ZBED4: variants seen among roughly 807,000 people sequenced by gnomAD.
ZBED4 encodes the protein zinc finger BED-type containing 4, also known as zinc finger BED domain-containing protein 4.
A neutral mutation model predicts 15.5 loss-of-function variants in ZBED4; 4 were observed. The ratio of observed to expected loss-of-function variants is 0.26; its 90% confidence interval spans 0.13 to 0.59. The LOEUF is 0.59. Ranked by LOEUF, ZBED4 falls within the 20% of genes least tolerant of loss-of-function variation. The pLI, the probability that ZBED4 is intolerant of heterozygous loss-of-function variation, is 0.90. For synonymous variants in ZBED4, 692 were observed against 608.5 expected (o/e 1.14, Z -2.02); for missense variants, 1,323 against 1,461.8 (o/e 0.91, Z 1.55).
Position 49,887,185 on chromosome 22 carries a change from C to A in ZBED4, c.*7C>A, listed in dbSNP as rs755133101. The A allele has an allele frequency of 6.3e-7, 1 of 1,598,662 alleles. No homozygotes were observed. Among genetic ancestry groups the A allele is most frequent in the Non-Finnish European group, 8.5e-7 (1 of 1,171,124 alleles). ...AATATACTTTCAGTATTGAAACTCA[C>A]GACGGCACCACTAGGCCAGAGGCGT... On this transcript the variant is annotated 3_prime_UTR_variant, in exon 2 of 2. Transcript: ENST00000216268.
At chr22:49,872,804 A>G (rs1252459954) in intron 1 of ZBED4, among the ~76,000 whole-genome samples, 16 of 151,678 alleles carry the variant, frequency 1.1e-4, no homozygotes, top group Admixed American at 1.1e-3. Context: ...TCCCAGGTTC[A>G]AGCGAATTCT....
chr22:49,860,779 CTTT>C (rs560679145), intron 1 of ZBED4, among the ~76,000 whole-genome samples: 3 of 137,556 alleles, frequency 2.2e-5, no homozygotes, highest in Non-Finnish European at 3.2e-5. Flanking sequence ...TCTAAGCAAC[CTTT>C]TTTTTTTTTT....
chr22:49,878,613 G>C (rs1326108423), intron 1 of ZBED4, among the ~76,000 whole-genome samples: 1 of 152,144 alleles, frequency 6.6e-6, no homozygotes, highest in African/African-American at 2.4e-5. Context: ...ACTTCTAAAA[G>C]ACAACACAGA....
chr22:49,875,079 GTTTTGT>G (rs1391069994), intron 1 of ZBED4, among the ~76,000 whole-genome samples: 2 of 152,122 alleles, frequency 1.3e-5, no homozygotes, highest in African/African-American at 2.4e-5. Context: ...ATTTGTTACA[GTTTTGT>G]TAAGGATTTT....
intron 1 of ZBED4, among the ~76,000 whole-genome samples, chr22:49,863,694 A>G (rs951820389): frequency 6.6e-6 from 1 of 152,108 alleles, no homozygotes; most frequent in African/African-American, 2.4e-5. Flanking sequence ...ATGAACTATT[A>G]AAGATAAACC....
At position 49,887,867 on chromosome 22, in the gene ZBED4, C is replaced by CTA. The variant is rs1482495001; in HGVS notation, c.*689_*690insTA. Reference sequence around the variant, plus strand: ...ACTCAGAGATACCCCAGCTGTTTATCATCAGCTCCTCTGAAATGTGATCCC... The same window carrying CTA: ...ACTCAGAGATACCCCAGCTGTTTATCTAATCAGCTCCTCTGAAATGTGATCCC... On this transcript the variant is annotated 3_prime_UTR_variant, in exon 2 of 2. Transcript: ENST00000216268. The CTA allele has an allele frequency of 1.2e-5, 2 of 167,278 alleles. No homozygotes were observed. Among genetic ancestry groups the CTA allele is most frequent in the Non-Finnish European group, 2.9e-5 (2 of 68,134 alleles). 10.4% of individuals were successfully genotyped at this position (167,278 alleles called of 1,614,324 possible).
rs1252888217 is a variant in ZBED4 at position 49,886,872 on chromosome 22, G to A, written c.3210G>A (p.Lys1070=). 4 of 1,614,010 alleles carry A rather than the reference G, an allele frequency of 2.5e-6. No individual in the cohort carries two copies. Among genetic ancestry groups the A allele is most frequent in the Non-Finnish European group, 3.4e-6 (4 of 1,180,042 alleles). Reference sequence around the variant, plus strand: ...AGAACCTGTGGTCACTTGTGGCCAAGGTGAAGAAGAAAGACCCAAGAGAAA... The same window carrying A: ...AGAACCTGTGGTCACTTGTGGCCAAAGTGAAGAAGAAAGACCCAAGAGAAA... ...AEENLWSLVA[K]VKKKDPREKL... is the part of the protein sequence containing the mutation. The change falls in exon 2 of 2, where the codon AAG becomes AAA. Residue 1070 remains lysine, a synonymous_variant. Transcript: ENST00000216268. This position sits in a 1 kb window ranked among gnomAD's most constrained non-coding sequence, Gnocchi z 7.7.
At position 49,888,241 on chromosome 22, in the gene ZBED4, G is replaced by GA. The variant is rs1271495140; in HGVS notation, c.*1070dup. 4 of 167,036 alleles carry GA rather than the reference G, an allele frequency of 2.4e-5. No individual in the cohort carries two copies. The highest frequency in any genetic ancestry group is 6.5e-5 in the Admixed American group (1 of 15,298). 10.3% of individuals were successfully genotyped at this position (167,036 alleles called of 1,614,324 possible). A position where few individuals can be genotyped will look rare whatever the true frequency, so the allele number is the denominator to read the frequency against. On this transcript the variant is annotated 3_prime_UTR_variant, in exon 2 of 2. Transcript: ENST00000216268. ...TGATTTTAAAAGTTATGTCTTCAGA[G>GA]AAAAAAAGATTCATTTTCTCATTTT...
At chr22:49,878,257 G>GCAC (rs2060388244) in intron 1 of ZBED4, among the ~76,000 whole-genome samples, 1 of 138,460 alleles carries the variant, frequency 7.2e-6, no homozygotes, top group Admixed American at 8.3e-5. Flanking sequence ...GTGAGCCAAC[G>GCAC]CACCACTGCA....
intron 1 of ZBED4, among the ~76,000 whole-genome samples, chr22:49,859,003 G>A (rs2060286318): frequency 6.6e-6 from 1 of 152,098 alleles, no homozygotes; most frequent in Non-Finnish European, 1.5e-5. Context: ...TTTGCTCACT[G>A]GCCCTTTAAA....
Position 49,885,151 on chromosome 22 carries a change from C to T in ZBED4, c.1489C>T (p.Leu497=), listed in dbSNP as rs747750398. 4 of 1,613,140 alleles carry T rather than the reference C, an allele frequency of 2.5e-6. No homozygotes were observed. In the Admixed American group the frequency reaches 6.7e-5, roughly 27 times the overall value. The change falls in exon 2 of 2, where the codon CTG becomes TTG. Residue 497 remains leucine, a synonymous_variant. Coordinates refer to ENST00000216268, the MANE Select transcript of ZBED4 (RefSeq NM_014838.3). ...GKKGDVGTSC[L]MRHLYRRHPE... is the part of the protein sequence containing the mutation. The stretch of plus-strand genomic sequence containing the variant: ...GAAGGGTGATGTGGGCACCAGCTGC[C>T]TGATGAGACATCTCTACCGGCGCCA...
chr22:49,868,061 G>T (rs527614883), intron 1 of ZBED4, among the ~76,000 whole-genome samples: 22 of 152,332 alleles, frequency 1.4e-4, no homozygotes, highest in African/African-American at 5.3e-4. Context: ...TCGTAAAGTT[G>T]CAGGTTCGTA....
Position 49,884,035 on chromosome 22 carries a change from T to A in ZBED4, c.373T>A (p.Phe125Ile). The change falls in exon 2 of 2, where the codon TTT becomes ATT. Residue 125 changes from phenylalanine (F) to isoleucine (I), a missense_variant. Transcript: ENST00000216268. ...RKKSPAWKHF[F>I]ISPRDSTKAI... The stretch of plus-strand genomic sequence containing the variant: ...GAAGTCTCCAGCCTGGAAGCATTTT[T>A]TTATCTCTCCCCGAGACAGCACTAA... 6.2e-7 allele frequency: 1 copy of A among 1,606,012 alleles called. No individual in the cohort carries two copies. The highest frequency in any genetic ancestry group is 8.5e-7 in the Non-Finnish European group (1 of 1,177,354).
chr22:49,881,782 C>T (rs1310519328), intron 1 of ZBED4, among the ~76,000 whole-genome samples: 3 of 152,186 alleles, frequency 2.0e-5, no homozygotes, highest in Non-Finnish European at 4.4e-5. Flanking sequence ...ATCCTCCCAC[C>T]TCAGCCTCCC....
rs190460964 is a variant in ZBED4 at position 49,883,592 on chromosome 22, G to A, written c.-71G>A. 1.4e-4 allele frequency: 186 copies of A among 1,339,080 alleles called. No individual in the cohort carries two copies. Among genetic ancestry groups the A allele is most frequent in the Non-Finnish European group, 1.6e-4 (170 of 1,058,318 alleles). 82.9% of individuals were successfully genotyped at this position (1,339,080 alleles called of 1,614,324 possible). A position where few individuals can be genotyped will look rare whatever the true frequency, so the allele number is the denominator to read the frequency against. On this transcript the variant is annotated 5_prime_UTR_variant, in exon 2 of 2. Transcript: ENST00000216268. Reference sequence around the variant, plus strand: ...GAAAAAGTGAAGATAATCTACATTCGGGGGCACAAATGAGCACTTGGATCA... The same window carrying A: ...GAAAAAGTGAAGATAATCTACATTCAGGGGCACAAATGAGCACTTGGATCA...
chr22:49,869,085 T>C (rs965658032), intron 1 of ZBED4, among the ~76,000 whole-genome samples: 4 of 148,986 alleles, frequency 2.7e-5, no homozygotes, highest in East Asian at 2.0e-4. Flanking sequence ...ATCATGCCAT[T>C]GCACTTCAGC....
intron 1 of ZBED4, among the ~76,000 whole-genome samples, chr22:49,869,275 A>G (rs1228584539): frequency 2.0e-5 from 3 of 152,118 alleles, no homozygotes; most frequent in African/African-American, 7.2e-5. Context: ...TATGGGTTCT[A>G]GTGCTTCCGC....
At chr22:49,862,189 C>T (rs12166198) in intron 1 of ZBED4, among the ~76,000 whole-genome samples, 3,438 of 152,362 alleles carry the variant, frequency 0.023, 139 homozygotes, top group African/African-American at 0.078. Context: ...AGTAAGTCCC[C>T]GAGGGCGGTT....
At chr22:49,871,858 G>A (rs528531582) in intron 1 of ZBED4, among the ~76,000 whole-genome samples, 98 of 151,638 alleles carry the variant, frequency 6.5e-4, no homozygotes, top group Middle Eastern at 3.4e-3. Flanking sequence ...GGGTTGAAGC[G>A]ATTCTCCTGC....
Sources: gnomAD v4.1 joint callset for allele counts (sites outside exome capture counted in the v4.1 genomes callset) on GRCh38, gnomAD v4.1.1 for gene constraint, Gnocchi (gnomAD v3.1) non-coding constraint, MANE v1.5 for transcripts, NCBI Gene and HGNC (gene_info 2026-07-23, HGNC 2026-07-21) for gene names.